The following ARHGAP44 variants were observed in gnomAD, a reference collection of about 807,000 sequenced individuals.
ARHGAP44 encodes the protein Rho GTPase activating protein 44.
A neutral mutation model predicts 106.8 loss-of-function variants in ARHGAP44; 43 were observed. The ratio of observed to expected loss-of-function variants is 0.40; its 90% CI spans 0.32 to 0.52. The LOEUF (loss-of-function observed/expected upper bound fraction) is 0.52. Among genes scored for constraint, ARHGAP44 ranks in the 20% least tolerant of loss-of-function variants. The pLI is 0.48. For missense variants in ARHGAP44, 866 were observed against 1,050.5 expected, an observed-to-expected ratio of 0.82 and a Z score of 2.43; for synonymous variants, 439 against 410.3, an observed-to-expected ratio of 1.07 and a Z score of -0.85.
chr17:12,860,324 G>T (rs1239423919), intron 1 of ARHGAP44, among the ~76,000 whole-genome samples: 1 of 152,154 alleles, frequency 6.6e-6, no homozygotes, highest in Non-Finnish European at 1.5e-5. Flanking sequence ...CCTGACAATA[G>T]CATTTGCGAT....
intron 1 of ARHGAP44, among the ~76,000 whole-genome samples, chr17:12,852,700 C>T (rs1315501228): frequency 6.6e-6 from 1 of 151,952 alleles, no homozygotes; most frequent in African/African-American, 2.4e-5. Flanking sequence ...TGCCACCACG[C>T]CCGGCTAATT....
At chr17:12,963,631 C>T (rs2039318243) in intron 16 of ARHGAP44, among the ~76,000 whole-genome samples, 1 of 151,632 alleles carries the variant, frequency 6.6e-6, no homozygotes, top group South Asian at 2.1e-4. Context: ...TGGCTTTGCA[C>T]CAATGCTGTG....
chr17:12,835,306 C>T (rs1471638378), intron 1 of ARHGAP44, among the ~76,000 whole-genome samples: 2 of 152,064 alleles, frequency 1.3e-5, no homozygotes, highest in Non-Finnish European at 2.9e-5. Context: ...AACGTGTGCA[C>T]AGATGTGTGC....
chr17:12,977,145 C>A (rs2039703989), intron 18 of ARHGAP44, among the ~76,000 whole-genome samples: 1 of 152,152 alleles, frequency 6.6e-6, no homozygotes, highest in Admixed American at 6.5e-5. Context: ...AGCCAACTCA[C>A]ATTGCTCTAT....
intron 16 of ARHGAP44, among the ~76,000 whole-genome samples, chr17:12,968,855 C>T (rs1326608691): frequency 2.0e-5 from 3 of 151,644 alleles, no homozygotes; most frequent in South Asian, 2.1e-4. Context: ...CTGCAAGCTC[C>T]GCCTCCCGGG....
chr17:12,945,660 T>C (rs1457102595), intron 10 of ARHGAP44, among the ~76,000 whole-genome samples: 1 of 152,204 alleles, frequency 6.6e-6, no homozygotes, highest in African/African-American at 2.4e-5. Flanking sequence ...CGGGTGTATG[T>C]GGCATGCTTC....
chr17:12,989,100 C>CAAA (rs2040035326), intron 20 of ARHGAP44, among the ~76,000 whole-genome samples: 1 of 31,998 alleles, frequency 3.1e-5, no homozygotes, highest in South Asian at 1.2e-3. Flanking sequence ...TCCACCCCCC[C>CAAA]CAAAAAAAAA....
intron 5 of ARHGAP44, 43 bp from the exon 6 acceptor site, chr17:12,919,712 T>G: frequency 3.6e-5 from 56 of 1,554,552 alleles, no homozygotes; most frequent in Non-Finnish European, 4.7e-5. Flanking sequence ...GAATTTATCT[T>G]GAGCTTCAGT....
intron 1 of ARHGAP44, among the ~76,000 whole-genome samples, chr17:12,823,734 C>T (rs1178502024): frequency 6.6e-6 from 1 of 152,154 alleles, no homozygotes; most frequent in Non-Finnish European, 1.5e-5. Flanking sequence ...TGATACTTCT[C>T]CTTAACTCCA....
chr17:12,838,174 A>G (rs557144822), intron 1 of ARHGAP44, among the ~76,000 whole-genome samples: 1 of 152,326 alleles, frequency 6.6e-6, no homozygotes, highest in East Asian at 1.9e-4. Flanking sequence ...TGCTAACACT[A>G]TCCTTGTCAC....
chr17:12,937,109 T>G (rs969348975), intron 7 of ARHGAP44, among the ~76,000 whole-genome samples: 7 of 152,188 alleles, frequency 4.6e-5, no homozygotes, highest in Non-Finnish European at 1.0e-4. Context: ...GTGCCTCTCA[T>G]TTTGTTGTTG....
Position 12,941,193 on chromosome 17 carries a change from A to G in ARHGAP44, c.651+69A>G, listed in dbSNP as rs546641380. Reference sequence around the variant, plus strand: ...GAGAAGGGAATGTGGGCATGGAATTAAGAGTCCCTTAATTGATCACATCAT... The same window carrying G: ...GAGAAGGGAATGTGGGCATGGAATTGAGAGTCCCTTAATTGATCACATCAT... On this transcript the variant is annotated intron_variant, in intron 8 of 20. Transcript: ENST00000379672. 7.6e-5 allele frequency: 109 copies of G among 1,426,878 alleles called. No individual in the cohort carries two copies. The African/African-American group carries it at 1.4e-3, about 19-fold the overall frequency. The allele number at this position is 1,426,878 out of a possible 1,614,324, so 88.4% of individuals were successfully genotyped here.
At chr17:12,903,126 G>GAGGGGAGA (rs57334058) in intron 3 of ARHGAP44, among the ~76,000 whole-genome samples, 4 of 70,698 alleles carry the variant, frequency 5.7e-5, no homozygotes, top group Admixed American at 1.7e-4. Flanking sequence ...GAGAGAGAGA[G>GAGGGGAGA]GAGAGAGAGA....
intron 1 of ARHGAP44, among the ~76,000 whole-genome samples, chr17:12,809,035 C>T (rs754538980): frequency 6.6e-6 from 1 of 152,192 alleles, no homozygotes; most frequent in Non-Finnish European, 1.5e-5. Flanking sequence ...TAAAGTTTCA[C>T]AGATCTCTAG....
At chr17:12,902,361 C>A (rs2037398627) in intron 3 of ARHGAP44, among the ~76,000 whole-genome samples, 1 of 152,196 alleles carries the variant, frequency 6.6e-6, no homozygotes, top group African/African-American at 2.4e-5. Context: ...TCAGATGTCA[C>A]CTTTTCAGGA....
intron 1 of ARHGAP44, among the ~76,000 whole-genome samples, chr17:12,879,673 G>A (rs1474086247): frequency 7.5e-6 from 1 of 133,084 alleles, no homozygotes; most frequent in Non-Finnish European, 1.6e-5. Context: ...AAATATATGT[G>A]TGTGTATGTG....
intron 4 of ARHGAP44, among the ~76,000 whole-genome samples, chr17:12,909,540 A>G (rs543250424): frequency 4.3e-4 from 66 of 152,308 alleles, no homozygotes; most frequent in African/African-American, 1.6e-3. Context: ...TTCCAAAATT[A>G]TGCTGAAAAT....
intron 16 of ARHGAP44, among the ~76,000 whole-genome samples, chr17:12,966,455 G>A (rs914981828): frequency 1.3e-5 from 2 of 152,140 alleles, no homozygotes; most frequent in Non-Finnish European, 2.9e-5. Flanking sequence ...GTGCTTCGTC[G>A]CTACTTACTG....
At chr17:12,868,157 C>G (rs953192206) in intron 1 of ARHGAP44, among the ~76,000 whole-genome samples, 1 of 152,130 alleles carries the variant, frequency 6.6e-6, no homozygotes, top group Non-Finnish European at 1.5e-5. Flanking sequence ...GTCGGAGGGT[C>G]GTTTTCCTCT....
Sources: allele counts gnomAD v4.1 joint callset (sites outside exome capture counted in the v4.1 genomes callset), GRCh38; gene constraint gnomAD v4.1.1; transcripts MANE v1.5; gene names NCBI Gene and HGNC (gene_info 2026-07-23, HGNC 2026-07-21).